LRRC9: variants seen among roughly 807,000 people sequenced by gnomAD.
LRRC9 encodes the protein leucine rich repeat containing 9.
In LRRC9, 122 loss-of-function variants were observed where a neutral mutation model predicts 63.2. That is an observed-to-expected ratio of 1.93 (90% CI 1.67 to 2.24). The LOEUF (loss-of-function observed/expected upper bound fraction) is 2.24. LRRC9 is among the 30% of genes most tolerant of loss of function. The probability of loss-of-function intolerance (pLI) is 0.00; values close to 1 mark genes in which losing one functional copy is unlikely to be tolerated. For missense variants in LRRC9, 1,071 were observed against 627.7 expected (o/e 1.71, Z -7.55); for synonymous variants, 366 against 213.1 (o/e 1.72, Z -6.25).
At chr14:59,960,110 T>G (rs1170727997) in intron 9 of LRRC9, 96 bp downstream of exon 9, 1 of 535,378 alleles carries the variant, frequency 1.9e-6, no homozygotes, top group African/African-American at 1.9e-5. Flanking sequence ...TCTTCAGGAG[T>G]ATGAACAATT....
intron 15 of LRRC9, among the ~76,000 whole-genome samples, chr14:59,979,621 TAAAG>T (rs1403538574): frequency 3.3e-5 from 5 of 151,568 alleles, no homozygotes; most frequent in East Asian, 1.9e-4. Context: ...CAAAAAAAAA[TAAAG>T]AAAGAAAAGA....
chr14:59,972,816 T>C (rs1885670284), intron 12 of LRRC9, among the ~76,000 whole-genome samples: 1 of 152,138 alleles, frequency 6.6e-6, no homozygotes, highest in Admixed American at 6.6e-5. Context: ...GTACATCCAT[T>C]TTTTAAAAGT....
intron 6 of LRRC9, among the ~76,000 whole-genome samples, chr14:59,933,995 T>C (rs1889922379): frequency 6.6e-6 from 1 of 152,148 alleles, no homozygotes; most frequent in Non-Finnish European, 1.5e-5. Context: ...GAAAGTGATA[T>C]GATCAGAAAT....
rs1884229350 is a variant in LRRC9 at position 59,960,362 on chromosome 14, T to C, written c.1079+348T>C. On this transcript the variant is annotated intron_variant, in intron 9 of 31. Transcript: ENST00000445360. Reference sequence around the variant, plus strand: ...GAGACCTGGCAAAGCCCAAACACAGTAGAAACAAGTTCAGGCTCAGTTATC... The same window carrying C: ...GAGACCTGGCAAAGCCCAAACACAGCAGAAACAAGTTCAGGCTCAGTTATC... 2.0e-5 allele frequency among the ~76,000 whole-genome samples: 3 copies of C among 152,164 alleles called. No individual in the cohort carries two copies. The South Asian group carries it at 6.2e-4, about 32-fold the overall frequency.
intron 28 of LRRC9, chr14:60,030,256 T>A (rs1566891254): frequency 6.6e-6 from 1 of 152,110 alleles, no homozygotes; most frequent in Non-Finnish European, 1.5e-5. Context: ...TACTTTAACA[T>A]CCTTCAGAAG....
At chr14:59,975,088 T>G (rs1292730150) in intron 13 of LRRC9, among the ~76,000 whole-genome samples, 2 of 44,028 alleles carry the variant, frequency 4.5e-5, no homozygotes, top group African/African-American at 1.0e-4. Context: ...GTGTGTGTAG[T>G]GTATATATAT....
At chr14:59,965,772 A>C (rs1884774733) in intron 10 of LRRC9, among the ~76,000 whole-genome samples, 1 of 151,224 alleles carries the variant, frequency 6.6e-6, no homozygotes, top group South Asian at 2.1e-4. Context: ...AGTCCCAGCT[A>C]CTCGGGAAGC....
Position 60,031,630 on chromosome 14 carries a change from T to G in LRRC9, c.3922-365T>G, listed in dbSNP as rs1260332275. On this transcript the variant is annotated intron_variant, in intron 28 of 31. Coordinates refer to ENST00000445360, the Ensembl canonical transcript of LRRC9. The surrounding 1 kb of genome is among the most constrained non-coding windows in gnomAD (Gnocchi z 4.6). ...TGTTTAATTATGTACCTTTAAAATT[T>G]TTAGATTTGATTCACCTTTTCCATA... 2.6e-5 allele frequency among the ~76,000 whole-genome samples: 4 copies of G among 152,076 alleles called. No homozygotes were observed. Among genetic ancestry groups the G allele is most frequent in the African/African-American group, 9.7e-5 (4 of 41,442 alleles).
At chr14:59,955,308 C>T (rs1883620571) in intron 8 of LRRC9, among the ~76,000 whole-genome samples, 1 of 152,134 alleles carries the variant, frequency 6.6e-6, no homozygotes, top group African/African-American at 2.4e-5. Flanking sequence ...TTAATGACTG[C>T]CTCAATTTCA....
intron 17 of LRRC9, among the ~76,000 whole-genome samples, chr14:59,992,502 A>G (rs1888260773): frequency 6.6e-6 from 1 of 152,162 alleles, no homozygotes; most frequent in Non-Finnish European, 1.5e-5. Flanking sequence ...CAGACGATCA[A>G]ACTACTCAGA....
At chr14:60,015,054 T>A (rs1331076425) in intron 23 of LRRC9, among the ~76,000 whole-genome samples, 1 of 152,172 alleles carries the variant, frequency 6.6e-6, no homozygotes, top group East Asian at 1.9e-4. Flanking sequence ...CTCTTTTCTT[T>A]CCACTCTGCT....
chr14:59,981,661 GAA>G (rs1369619873), intron 15 of LRRC9, among the ~76,000 whole-genome samples, 185 bp from the exon 16 acceptor site: 6 of 152,146 alleles, frequency 3.9e-5, no homozygotes, highest in Admixed American at 3.3e-4. Flanking sequence ...CAGTGGGTGG[GAA>G]TAGATACACC....
chr14:59,944,860 A>T, intron 8 of LRRC9, 116 bp downstream of exon 8: 1 of 448,350 alleles, frequency 2.2e-6, no homozygotes, highest in Non-Finnish European at 3.8e-6. Flanking sequence ...ACACACACAC[A>T]CACACTCACA....
chr14:59,973,811 A>T (rs922488226), intron 12 of LRRC9, among the ~76,000 whole-genome samples: 3 of 152,122 alleles, frequency 2.0e-5, no homozygotes, highest in African/African-American at 7.2e-5. Context: ...TAAAAAAATA[A>T]GTAATTTGGC....
At chr14:59,941,108 T>G (rs1009656299) in intron 7 of LRRC9, among the ~76,000 whole-genome samples, 6 of 151,980 alleles carry the variant, frequency 3.9e-5, no homozygotes, top group Non-Finnish European at 5.9e-5. Flanking sequence ...TTTATTTTTA[T>G]GACATACTAA....
chr14:60,017,287 G>C lies in LRRC9; in HGVS notation c.3317+497G>C, dbSNP rs1209313017. Among the ~76,000 whole-genome samples, 1 of 151,998 alleles carries C rather than the reference G, an allele frequency of 6.6e-6. No individual in the cohort carries two copies. The highest frequency in any genetic ancestry group is 2.4e-5 in the African/African-American group (1 of 41,400). On this transcript the variant is annotated intron_variant, in intron 24 of 31. Coordinates refer to ENST00000445360, the Ensembl canonical transcript of LRRC9. This position sits in a 1 kb window ranked among gnomAD's most constrained non-coding sequence, Gnocchi z 4.0. ...ACTGCCCATGATACTTCATACTTCA[G>C]AAATTCTGAAATATTCTAGTTACTG...
At chr14:59,953,530 G>A (rs1883396563) in intron 8 of LRRC9, among the ~76,000 whole-genome samples, 1 of 151,196 alleles carries the variant, frequency 6.6e-6, no homozygotes. Flanking sequence ...TTGTAAATTT[G>A]TTTAAATTCC....
At chr14:59,945,251 A>G (rs967706577) in intron 8 of LRRC9, among the ~76,000 whole-genome samples, 3 of 151,998 alleles carry the variant, frequency 2.0e-5, no homozygotes, top group Non-Finnish European at 2.9e-5. Flanking sequence ...ATTTAGAATA[A>G]ATTGGATTTC....
At chr14:59,981,555 C>T (rs537058416) in intron 15 of LRRC9, among the ~76,000 whole-genome samples, 1 of 152,204 alleles carries the variant, frequency 6.6e-6, no homozygotes, top group Non-Finnish European at 1.5e-5. Context: ...TCAGTCCTTT[C>T]TGATTCATGT....
Sources: allele counts gnomAD v4.1 joint callset (sites outside exome capture counted in the v4.1 genomes callset), GRCh38; gene constraint gnomAD v4.1.1; non-coding constraint Gnocchi (gnomAD v3.1); transcripts MANE v1.5; gene names NCBI Gene and HGNC (gene_info 2026-07-23, HGNC 2026-07-21).